The following TMED9 variants were observed in gnomAD, a reference collection of about 807,000 sequenced individuals.
TMED9 encodes transmembrane emp24 domain-containing protein 9.
TMED9 carries 22 observed loss-of-function variants against 30.6 expected under a neutral mutation model. The observed-to-expected ratio is 0.72, with a 90% CI of 0.51 to 1.03. The LOEUF (loss-of-function observed/expected upper bound fraction) is 1.03. Ranked by LOEUF, TMED9 falls within the 50% of genes least tolerant of loss-of-function variation. The probability of loss-of-function intolerance (pLI) is 0.00; values close to 1 mark genes in which losing one functional copy is unlikely to be tolerated. For synonymous variants in TMED9, 146 were observed against 122.8 expected (o/e 1.19, Z -1.25); for missense variants, 251 against 302.1 (o/e 0.83, Z 1.25).
At chr5:177,592,703 C>T in intron 2 of TMED9, 28 bp downstream of exon 2, 1 of 1,538,978 alleles carries the variant, frequency 6.5e-7, no homozygotes, top group Non-Finnish European at 8.9e-7. Context: ...CTCCTCTCCG[C>T]CAGCCTCTCA....
chr5:177,595,051 G>T (rs1767663080), intron 4 of TMED9, among the ~76,000 whole-genome samples: 1 of 152,208 alleles, frequency 6.6e-6, no homozygotes, highest in African/African-American at 2.4e-5. Flanking sequence ...ACCAGGGCAG[G>T]ACTAGGTGAG....
At chr5:177,594,738 C>G (rs890808157) in intron 4 of TMED9, among the ~76,000 whole-genome samples, 3 of 152,192 alleles carry the variant, frequency 2.0e-5, no homozygotes, top group African/African-American at 7.2e-5. Context: ...TCCATTTTTT[C>G]AAGAGGAAAT....
At position 177,592,692 on chromosome 5, in the gene TMED9, C is replaced by CA; in HGVS notation, c.285+17_285+18insA. 6.4e-7 allele frequency: 1 copy of CA among 1,555,186 alleles called. No individual in the cohort carries two copies. Among genetic ancestry groups the CA allele is most frequent in the Admixed American group, 1.9e-5 (1 of 53,488 alleles). On this transcript the variant is annotated intron_variant, in intron 2 of 4. Coordinates refer to ENST00000332598, the MANE Select transcript of TMED9 (RefSeq NM_017510.6). ...GAGGACAAGGTGAGCCAACCGCCCC[C>CA]CTCCTCTCCGCCAGCCTCTCAGCTA...
At chr5:177,594,117 T>A (rs772245426) in intron 3 of TMED9, 22 bp from the exon 4 acceptor site, 1 of 1,613,734 alleles carries the variant, frequency 6.2e-7, no homozygotes, top group East Asian at 2.2e-5. Flanking sequence ...AGATTTCCCT[T>A]ATCTCCTTTG....
Position 177,594,300 on chromosome 5 carries a change from C to A in TMED9, c.558+15C>A, listed in dbSNP as rs769005467. 6.2e-7 allele frequency: 1 copy of A among 1,613,140 alleles called. No homozygotes were observed. Among genetic ancestry groups the A allele is most frequent in the Admixed American group, 1.7e-5 (1 of 59,940 alleles). ...ACTACCAGCGGGTGAGTGACTGGGC[C>A]GGGAGCAGTGGGCTTCTCCCTAGAA... On this transcript the variant is annotated intron_variant, in intron 4 of 4. Coordinates refer to ENST00000332598, the MANE Select transcript of TMED9 (RefSeq NM_017510.6).
Position 177,593,773 on chromosome 5 carries a change from C to A in TMED9, c.409C>A (p.Leu137Met), listed in dbSNP as rs1490010339. 1.2e-6 allele frequency: 2 copies of A among 1,613,984 alleles called. No homozygotes were observed. Among genetic ancestry groups the A allele is most frequent in the Non-Finnish European group, 1.7e-6 (2 of 1,179,962 alleles). Residue 137 changes from leucine to methionine, a missense_variant and splice_region_variant, in exon 3 of 5, where the codon CTG (leucine) becomes ATG (methionine). Transcript: ENST00000332598. ...TKFSLFAGGM[L>M]RVHLDIQVGE... ...GTTCTCCCTCTTTGCTGGAGGCATG[C>A]TGGTAAGTGGGCCCATGTGAGACTT...
chr5:177,594,194 C>G lies in TMED9; in HGVS notation c.467C>G (p.Ala156Gly), dbSNP rs751205899. 1 of 1,614,234 alleles carries G rather than the reference C, an allele frequency of 6.2e-7. No individual in the cohort carries two copies. The highest frequency in any genetic ancestry group is 8.5e-7 in the Non-Finnish European group (1 of 1,180,046). ...CATGCCAATGACTATGCAGAAATTG[C>G]TGCTAAAGACAAGTTGAGTGAGTTG... ...GEHANDYAEIAAKDKLSELQL... is the reference protein window; with the variant it reads ...GEHANDYAEIGAKDKLSELQL... The change falls in exon 4 of 5, where the codon GCT (alanine) becomes GGT (glycine). Residue 156 changes from alanine to glycine, a missense_variant. Ala to Gly is a moderately conservative substitution (Grantham distance 60). Around this residue, in one of 2 missense-constraint regions of TMED9, gnomAD observed 153 missense variants for 239.6 expected, o/e 0.64. Transcript: ENST00000332598.
chr5:177,596,232 G>C lies in TMED9; in HGVS notation c.*816G>C, dbSNP rs1767688269. On this transcript the variant is annotated 3_prime_UTR_variant, in exon 5 of 5. Transcript: ENST00000332598. Reference sequence around the variant, plus strand: ...TTCCAAAGTGAATTCCCACCAGTCAGCTTCATTCTTTCCTTCTTCTCCAGG... The same window carrying C: ...TTCCAAAGTGAATTCCCACCAGTCACCTTCATTCTTTCCTTCTTCTCCAGG... The C allele has an allele frequency of 6.6e-6, 1 of 152,318 alleles. No homozygotes were observed. Among genetic ancestry groups the C allele is most frequent in the Non-Finnish European group, 1.5e-5 (1 of 68,086 alleles). The allele number at this position is 152,318 out of a possible 1,614,324, so 9.4% of individuals were successfully genotyped here.
chr5:177,592,523 A>G lies in TMED9; in HGVS notation c.185-52A>G, dbSNP rs896782169. The G allele has an allele frequency of 1.9e-6, 3 of 1,575,878 alleles. No homozygotes were observed. The African/African-American group carries it at 4.0e-5, about 21-fold the overall frequency. On this transcript the variant is annotated intron_variant, in intron 1 of 4. Transcript: ENST00000332598. ...CTCGCCGTGCCCAGGCGGTCGCGGA[A>G]CCCATGCCACCTCGCGCTCCTCTGA...
At position 177,592,245 on chromosome 5, in the gene TMED9, C is replaced by T. The variant is rs763657316; in HGVS notation, c.31C>T (p.Arg11Trp). 2.0e-5 allele frequency: 32 copies of T among 1,610,018 alleles called. No individual in the cohort carries two copies. The highest frequency in any genetic ancestry group is 2.7e-5 in the Non-Finnish European group (32 of 1,178,660). The change falls in exon 1 of 5, where the codon CGG (arginine) becomes TGG (tryptophan). Residue 11 changes from arginine (R) to tryptophan (W), a missense_variant. Arg to Trp is a moderately radical substitution (Grantham distance 101). Transcript: ENST00000332598. MAVELGVLLV[R>W]PRPGTGLGRV... ...TGTGGAGCTGGGCGTGCTGCTCGTCCGGCCCCGGCCCGGAACCGGGCTGGG... is the reference window on the plus strand; with the variant it reads ...TGTGGAGCTGGGCGTGCTGCTCGTCTGGCCCCGGCCCGGAACCGGGCTGGG...
Position 177,593,789 on chromosome 5 carries a change from T to G in TMED9, c.411+14T>G. The G allele has an allele frequency of 6.2e-7, 1 of 1,613,926 alleles. No homozygotes were observed. The highest frequency in any genetic ancestry group is 8.5e-7 in the Non-Finnish European group (1 of 1,179,838). On this transcript the variant is annotated intron_variant, in intron 3 of 4. Transcript: ENST00000332598. ...GGAGGCATGCTGGTAAGTGGGCCCA[T>G]GTGAGACTTGCAGGTTTCAGCCTTC...
chr5:177,595,288 C>T lies in TMED9; in HGVS notation c.580C>T (p.Gln194Ter). 1 of 1,601,156 alleles carries T rather than the reference C, an allele frequency of 6.2e-7. No homozygotes were observed. Among genetic ancestry groups the T allele is most frequent in the Non-Finnish European group, 8.5e-7 (1 of 1,171,156 alleles). ...GCAGTGGCGAGAGGAGCGCTTCCGG[C>T]AGACCAGTGAGAGCACCAACCAGCG... Reference protein sequence around the residue: ...YQRWREERFRQTSESTNQRVL... With the variant: ...YQRWREERFR Residue 194 changes from glutamine to a stop codon, truncating the protein, a stop_gained, in exon 5 of 5, where the codon CAG becomes TAG. Coordinates refer to ENST00000332598, the MANE Select transcript of TMED9 (RefSeq NM_017510.6). LOFTEE classifies it high-confidence loss of function.
rs753401092 is a variant in TMED9 at position 177,592,285 on chromosome 5, C to T, written c.71C>T (p.Thr24Ile). The stretch of plus-strand genomic sequence containing the variant: ...ACCGGGCTGGGTAGAGTGATGCGGA[C>T]CCTCCTGCTGGTGCTGTGGCTGGCG... The part of the protein sequence containing the change: ...PGTGLGRVMR[T>I]LLLVLWLATR... Residue 24 changes from threonine (T) to isoleucine (I), a missense_variant, in exon 1 of 5, where the codon ACC (threonine) becomes ATC (isoleucine). Thr to Ile is a moderately conservative substitution (Grantham distance 89). Coordinates refer to ENST00000332598, the MANE Select transcript of TMED9 (RefSeq NM_017510.6). The T allele has an allele frequency of 1.2e-6, 2 of 1,611,838 alleles. No homozygotes were observed. The highest frequency in any genetic ancestry group is 1.3e-5 in the African/African-American group (1 of 75,030).
Position 177,595,451 on chromosome 5 carries a change from G to A in TMED9, c.*35G>A, listed in dbSNP as rs1767671278. ...GCGTCACAACCCATCCTCCCAGGCT[G>A]GGGGAGAAAGGACCTCCTGGAACTG... is the stretch of plus-strand genomic sequence containing the variant. On this transcript the variant is annotated 3_prime_UTR_variant, in exon 5 of 5. Coordinates refer to ENST00000332598, the MANE Select transcript of TMED9 (RefSeq NM_017510.6). 4 of 1,575,724 alleles carry A rather than the reference G, an allele frequency of 2.5e-6. No individual in the cohort carries two copies. The highest frequency in any genetic ancestry group is 3.5e-6 in the Non-Finnish European group (4 of 1,154,768).
Position 177,595,467 on chromosome 5 carries a change from C to G in TMED9, c.*51C>G. On this transcript the variant is annotated 3_prime_UTR_variant, in exon 5 of 5. Coordinates refer to ENST00000332598, the MANE Select transcript of TMED9 (RefSeq NM_017510.6). ...TCCCAGGCTGGGGGAGAAAGGACCT[C>G]CTGGAACTGACTTCTTCTGTCAGGA... The G allele has an allele frequency of 1.9e-6, 3 of 1,554,616 alleles. No individual in the cohort carries two copies. Among genetic ancestry groups the G allele is most frequent in the Non-Finnish European group, 2.6e-6 (3 of 1,142,558 alleles).
intron 2 of TMED9, 48 bp from the exon 3 acceptor site, chr5:177,593,602 T>C (rs201982089): frequency 1.2e-6 from 2 of 1,611,580 alleles, no homozygotes; most frequent in Non-Finnish European, 1.7e-6. Context: ...TTTTCCTCCA[T>C]TCCCATCCCT....
chr5:177,593,375 A>T (rs1032019423), intron 2 of TMED9: 2 of 328,228 alleles, frequency 6.1e-6, no homozygotes, highest in South Asian at 8.6e-5. Flanking sequence ...ACACCAAAAA[A>T]GTTGAAAGGG....
chr5:177,594,303 G>A lies in TMED9; in HGVS notation c.558+18G>A. The stretch of plus-strand genomic sequence containing the variant: ...ACCAGCGGGTGAGTGACTGGGCCGG[G>A]AGCAGTGGGCTTCTCCCTAGAAGCT... On this transcript the variant is annotated intron_variant, in intron 4 of 4. Transcript: ENST00000332598. 6.2e-7 allele frequency: 1 copy of A among 1,612,828 alleles called. No homozygotes were observed. Among genetic ancestry groups the A allele is most frequent in the Non-Finnish European group, 8.5e-7 (1 of 1,179,602 alleles).
chr5:177,592,911 G>A (rs1767617242), intron 2 of TMED9, among the ~76,000 whole-genome samples: 1 of 152,140 alleles, frequency 6.6e-6, no homozygotes, highest in African/African-American at 2.4e-5. Flanking sequence ...CACAGAACAT[G>A]ATACTTTCCC....
Sources: allele counts gnomAD v4.1 joint callset (sites outside exome capture counted in the v4.1 genomes callset), GRCh38; gene constraint gnomAD v4.1.1; regional missense constraint gnomAD v4.1.1; transcripts MANE v1.5; gene names NCBI Gene and HGNC (gene_info 2026-07-23, HGNC 2026-07-21).